TMEM170B: variants seen among roughly 807,000 people sequenced by gnomAD.
TMEM170B encodes the protein transmembrane protein 170B.
In TMEM170B, 6 loss-of-function variants were observed where a neutral mutation model predicts 13.0. That is an observed-to-expected ratio of 0.46 (90% CI 0.25 to 0.91). The LOEUF is 0.91. TMEM170B is among the 40% of genes least tolerant of loss of function. TMEM170B has a pLI of 0.17. For synonymous variants in TMEM170B, 61 were observed against 64.9 expected, an observed-to-expected ratio of 0.94 and a Z score of 0.29; for missense variants, 138 against 165.2, an observed-to-expected ratio of 0.84 and a Z score of 0.90.
intron 1 of TMEM170B, among the ~76,000 whole-genome samples, 178 bp from the exon 2 acceptor site, chr6:11,565,488 C>G (rs1304746090): frequency 6.6e-6 from 1 of 152,170 alleles, no homozygotes; most frequent in Non-Finnish European, 1.5e-5. Context: ...CATCAGGCAT[C>G]AGCGATGATG....
intron 1 of TMEM170B, among the ~76,000 whole-genome samples, chr6:11,546,553 C>T (rs1273155405): frequency 1.3e-5 from 2 of 152,264 alleles, no homozygotes; most frequent in East Asian, 3.9e-4. Flanking sequence ...AACTTCCAGG[C>T]CTGCAAGCTC....
rs1229544977 is a variant in TMEM170B, at chr6:11,581,762, G to A, written c.*6201G>A. The A allele has an allele frequency of 4.6e-5, 7 of 152,080 alleles. No individual in the cohort carries two copies. The highest frequency in any genetic ancestry group is 4.6e-4 in the Admixed American group (7 of 15,274). The allele number at this position is 152,080 out of a possible 1,614,324, so 9.4% of individuals were successfully genotyped here. A position where few individuals can be genotyped will look rare whatever the true frequency, so the allele number is the denominator to read the frequency against. ...ACTCGAGAGTACTACTGATGATGAC[G>A]CTTCTCTTGTTTTTAAAGTATTTAC... is the stretch of plus-strand genomic sequence containing the variant. On this transcript the variant is annotated 3_prime_UTR_variant, in exon 3 of 3. Coordinates refer to ENST00000379426, the MANE Select transcript of TMEM170B (RefSeq NM_001100829.3).
chr6:11,561,861 T>A (rs2113775349), intron 1 of TMEM170B, among the ~76,000 whole-genome samples: 1 of 152,366 alleles, frequency 6.6e-6, no homozygotes, highest in East Asian at 1.9e-4. Context: ...CTTTGGTTTT[T>A]ATAAAACATT....
At chr6:11,573,623 T>C (rs1759835608) in intron 2 of TMEM170B, among the ~76,000 whole-genome samples, 1 of 152,206 alleles carries the variant, frequency 6.6e-6, no homozygotes, top group South Asian at 2.1e-4. Context: ...TCACCTTATG[T>C]AAGCATGCAA....
At chr6:11,561,277 C>T (rs1361375835) in intron 1 of TMEM170B, among the ~76,000 whole-genome samples, 1 of 152,140 alleles carries the variant, frequency 6.6e-6, no homozygotes, top group Non-Finnish European at 1.5e-5. Flanking sequence ...TCTCTGGCTT[C>T]CTCCCTTCAT....
At chr6:11,543,296 G>C (rs1759387003) in intron 1 of TMEM170B, among the ~76,000 whole-genome samples, 1 of 152,094 alleles carries the variant, frequency 6.6e-6, no homozygotes, top group African/African-American at 2.4e-5. Flanking sequence ...ACAGTTGCTT[G>C]ATTTAAACAT....
At chr6:11,545,280 C>CTGTGTGTGTGTGTGTGTGTGTGTGTG (rs1210551633) in intron 1 of TMEM170B, among the ~76,000 whole-genome samples, 62 of 139,812 alleles carry the variant, frequency 4.4e-4, no homozygotes, top group South Asian at 4.2e-3. Context: ...CTCTCTCTCT[C>CTGTGTGTGTGTGTGTGTGTGTGTGTG]TGTGTGTGTG....
chr6:11,548,683 T>A (rs1759473963), intron 1 of TMEM170B, among the ~76,000 whole-genome samples: 1 of 152,132 alleles, frequency 6.6e-6, no homozygotes, highest in Non-Finnish European at 1.5e-5. Context: ...CACATGTCCA[T>A]CAATGATAGA....
rs1407694866 is a variant in TMEM170B, at chr6:11,537,998, G to C, written c.-280G>C. ...CCTCCGCCCCGAGTCCTCGCTCGGG[G>C]GCCGCGCGAGGACGGCGCCCGGCCC... On this transcript the variant is annotated 5_prime_UTR_variant, in exon 1 of 3. Transcript: ENST00000379426. 4.6e-5 allele frequency among the ~76,000 whole-genome samples: 7 copies of C among 151,062 alleles called. No individual in the cohort carries two copies. The highest frequency in any genetic ancestry group is 1.7e-4 in the African/African-American group (7 of 41,240).
In TMEM170B at chr6:11,551,719, G is replaced by A. The variant is rs572208156; in HGVS notation, c.97+13345G>A. Among the ~76,000 whole-genome samples the A allele has an allele frequency of 2.0e-5, 3 of 152,286 alleles. No homozygotes were observed. The South Asian group carries it at 6.2e-4, about 32-fold the overall frequency. ...CTAGAGAAGCTAACCTTTAGATTAA[G>A]TAATTCTTTTGTGGCTTGTTGAGTT... On this transcript the variant is annotated intron_variant, in intron 1 of 2. Transcript: ENST00000379426.
chr6:11,575,520 A>G lies in TMEM170B; in HGVS notation c.358A>G (p.Thr120Ala). 3 of 1,613,398 alleles carry G rather than the reference A, an allele frequency of 1.9e-6. No homozygotes were observed. The highest frequency in any genetic ancestry group is 2.5e-6 in the Non-Finnish European group (3 of 1,179,536). Residue 120 changes from threonine (T) to alanine (A), a missense_variant, in exon 3 of 3, where the codon ACA becomes GCA. Physicochemically the swap from Thr to Ala is moderately conservative, Grantham distance 58. Transcript: ENST00000379426. This position sits in a 1 kb window ranked among gnomAD's most constrained non-coding sequence, Gnocchi z 4.1. ...LVWGVGQTVL[T>A]LIISFSRILA... ...ATGGGGCGTTGGACAGACTGTACTG[A>G]CATTAATCATCTCCTTTTCAAGGAT...
At chr6:11,546,462 T>C (rs900979718) in intron 1 of TMEM170B, among the ~76,000 whole-genome samples, 2 of 152,212 alleles carry the variant, frequency 1.3e-5, no homozygotes, top group Non-Finnish European at 2.9e-5. Flanking sequence ...TAGTGTAGCC[T>C]GTGTATAGTG....
chr6:11,554,815 G>A (rs1207144931), intron 1 of TMEM170B, among the ~76,000 whole-genome samples: 4 of 152,086 alleles, frequency 2.6e-5, no homozygotes, highest in African/African-American at 9.7e-5. Flanking sequence ...TCTCTTAAGA[G>A]GCAAAAGTAG....
intron 1 of TMEM170B, among the ~76,000 whole-genome samples, chr6:11,557,864 T>C (rs117208055): frequency 1.3e-5 from 2 of 152,336 alleles, no homozygotes; most frequent in East Asian, 3.9e-4. Flanking sequence ...GGCCTTAATT[T>C]ATCTTTGTAC....
At chr6:11,540,542 C>T (rs1483929527) in intron 1 of TMEM170B, among the ~76,000 whole-genome samples, 2 of 152,204 alleles carry the variant, frequency 1.3e-5, no homozygotes, top group African/African-American at 2.4e-5. Flanking sequence ...AATTCTAGTT[C>T]TCTTGCTATT....
chr6:11,570,278 T>C (rs916053078), intron 2 of TMEM170B, among the ~76,000 whole-genome samples: 1 of 152,172 alleles, frequency 6.6e-6, no homozygotes, highest in Non-Finnish European at 1.5e-5. Context: ...CATGGATATC[T>C]TTTGATTACA....
intron 1 of TMEM170B, among the ~76,000 whole-genome samples, chr6:11,545,756 C>T (rs928048169): frequency 6.6e-6 from 1 of 151,634 alleles, no homozygotes; most frequent in African/African-American, 2.4e-5. Context: ...AAGCTGAATC[C>T]CAGCACTTTG....
At chr6:11,539,120 A>G (rs571671930) in intron 1 of TMEM170B, among the ~76,000 whole-genome samples, 3 of 152,358 alleles carry the variant, frequency 2.0e-5, no homozygotes, top group African/African-American at 7.2e-5. Flanking sequence ...GATAAAACAC[A>G]CAATATTTTT....
chr6:11,550,909 A>G (rs1240062544), intron 1 of TMEM170B, among the ~76,000 whole-genome samples: 3 of 152,226 alleles, frequency 2.0e-5, no homozygotes, highest in South Asian at 2.1e-4. Context: ...AGAAGCTTAT[A>G]TTCTTGAGTA....
Sources: gnomAD v4.1 joint callset for allele counts (sites outside exome capture counted in the v4.1 genomes callset) on GRCh38, gnomAD v4.1.1 for gene constraint, Gnocchi (gnomAD v3.1) non-coding constraint, MANE v1.5 for transcripts, NCBI Gene and HGNC (gene_info 2026-07-23, HGNC 2026-07-21) for gene names.